RCSD1: variants seen among roughly 807,000 people sequenced by gnomAD.
The protein encoded by RCSD1 is capZ-interacting protein.
RCSD1 carries 26 observed loss-of-function variants against 42.5 expected under a neutral mutation model. The observed-to-expected ratio is 0.61, with a 90% CI of 0.45 to 0.85. The LOEUF (loss-of-function observed/expected upper bound fraction) is 0.85, where lower values mean the gene tolerates loss of function less well. Ranked by LOEUF, RCSD1 falls within the 40% of genes least tolerant of loss-of-function variation. The pLI, the probability that RCSD1 is intolerant of heterozygous loss-of-function variation, is 0.00. For missense variants in RCSD1, 571 were observed against 528.3 expected, an observed-to-expected ratio of 1.08 and a Z score of -0.79; for synonymous variants, 220 against 212.2, an observed-to-expected ratio of 1.04 and a Z score of -0.32.
In RCSD1 at chr1:167,707,201, C is replaced by A. The variant is rs1395294249; in HGVS notation, c.*2505C>A. Reference sequence around the variant, plus strand: ...GGTAAGCTTCAGTGGCCTCAGAACTCCAGGCCCCTCACGGAGATCACCCTG... The same window carrying A: ...GGTAAGCTTCAGTGGCCTCAGAACTACAGGCCCCTCACGGAGATCACCCTG... On this transcript the variant is annotated 3_prime_UTR_variant, in exon 7 of 7. Coordinates refer to ENST00000367854, the MANE Select transcript of RCSD1 (RefSeq NM_052862.4). 5.9e-5 allele frequency among the ~76,000 whole-genome samples: 9 copies of A among 152,220 alleles called. No individual in the cohort carries two copies.
In RCSD1 at chr1:167,676,214, G is replaced by T. The variant is rs529196789; in HGVS notation, c.7-7686G>T. Among the ~76,000 whole-genome samples the T allele has an allele frequency of 3.5e-4, 53 of 152,320 alleles. 1 individual carries two copies. In the South Asian group the frequency reaches 9.7e-3, roughly 28 times the overall value. ...ACTAGTAAATGTAGAGCTGGGATTT[G>T]AACCCAGACAGTCTGGCTCAAAGCC... On this transcript the variant is annotated intron_variant, in intron 1 of 6. Coordinates refer to ENST00000367854, the MANE Select transcript of RCSD1 (RefSeq NM_052862.4).
rs559530307 is a variant in RCSD1 at position 167,685,912 on chromosome 1, T to C, written c.198+402T>C. Among the ~76,000 whole-genome samples, 31 of 152,266 alleles carry C rather than the reference T, an allele frequency of 2.0e-4. No homozygotes were observed. The South Asian group carries it at 6.2e-3, about 31-fold the overall frequency. Reference sequence around the variant, plus strand: ...ACCTGGAAAGGGGGCTACACTTACATAGGGCAGGACGGAAGCATGAGAAAA... The same window carrying C: ...ACCTGGAAAGGGGGCTACACTTACACAGGGCAGGACGGAAGCATGAGAAAA... On this transcript the variant is annotated intron_variant, in intron 3 of 6. Coordinates refer to ENST00000367854, the MANE Select transcript of RCSD1 (RefSeq NM_052862.4).
intron 1 of RCSD1, among the ~76,000 whole-genome samples, chr1:167,662,856 T>A (rs2102215404): frequency 6.6e-6 from 1 of 152,338 alleles, no homozygotes; most frequent in Admixed American, 6.5e-5. Flanking sequence ...CGATTCTGCC[T>A]GAACTTATTT....
rs961492308 is a variant in RCSD1, at chr1:167,644,523, A to ACATG, written c.6+14097_6+14098insGCAT. Among the ~76,000 whole-genome samples, 277 of 151,896 alleles carry ACATG rather than the reference A, an allele frequency of 1.8e-3. 1 individual carries two copies. The highest frequency in any genetic ancestry group is 6.3e-3 in the African/African-American group (260 of 41,440). ...TACATACATACATACATACATACAT[A>ACATG]CATACATACATACATTTCAAAGAAA... On this transcript the variant is annotated intron_variant, in intron 1 of 6. Transcript: ENST00000367854.
At chr1:167,668,839 G>T (rs1658725115) in intron 1 of RCSD1, among the ~76,000 whole-genome samples, 1 of 152,124 alleles carries the variant, frequency 6.6e-6, no homozygotes, top group African/African-American at 2.4e-5. Flanking sequence ...AAGTGCCCAG[G>T]GTGAAACTGT....
At chr1:167,691,802 G>A (rs773352574) in intron 4 of RCSD1, among the ~76,000 whole-genome samples, 3 of 152,178 alleles carry the variant, frequency 2.0e-5, no homozygotes, top group East Asian at 1.9e-4. Context: ...AAACTGAGAA[G>A]CCCTGATTCC....
At chr1:167,695,538 A>ATTTT (rs34867466) in intron 5 of RCSD1, among the ~76,000 whole-genome samples, 4 of 141,044 alleles carry the variant, frequency 2.8e-5, no homozygotes, top group Admixed American at 7.0e-5. Context: ...TTACACACTA[A>ATTTT]TTTTTTTTTT....
chr1:167,677,772 C>T (rs549062049), intron 1 of RCSD1, among the ~76,000 whole-genome samples: 3 of 152,220 alleles, frequency 2.0e-5, no homozygotes, highest in South Asian at 4.1e-4. Context: ...TCCTTTGTCC[C>T]GCACCTGTGA....
At position 167,630,680 on chromosome 1, in the gene RCSD1, T is replaced by C. The variant is rs78120440; in HGVS notation, c.6+251T>C. 499 of 208,256 alleles carry C rather than the reference T, an allele frequency of 2.4e-3. 2 individuals carry two copies. The highest frequency in any genetic ancestry group is 0.013 in the African/African-American group (472 of 37,644). 12.9% of individuals were successfully genotyped at this position (208,256 alleles called of 1,614,324 possible). A position where few individuals can be genotyped will look rare whatever the true frequency, so the allele number is the denominator to read the frequency against. ...AGATCTCAGAGGGAGAGAAAAGGGC[T>C]TTCCTAGAGGCCCGGGTATTTTGGC... On this transcript the variant is annotated intron_variant, in intron 1 of 6. Transcript: ENST00000367854.
At chr1:167,691,909 C>G (rs774968768) in intron 4 of RCSD1, among the ~76,000 whole-genome samples, 1 of 152,188 alleles carries the variant, frequency 6.6e-6, no homozygotes, top group African/African-American at 2.4e-5. Context: ...GATCCCAGAA[C>G]TCCAGCACCC....
At chr1:167,677,674 T>C (rs936689843) in intron 1 of RCSD1, among the ~76,000 whole-genome samples, 1 of 152,236 alleles carries the variant, frequency 6.6e-6, no homozygotes, top group Non-Finnish European at 1.5e-5. Context: ...ATTGCCTCCA[T>C]AGCTCAGTGA....
At chr1:167,633,789 A>C (rs895444561) in intron 1 of RCSD1, 2 of 152,236 alleles carry the variant, frequency 1.3e-5, no homozygotes, top group African/African-American at 4.8e-5. Flanking sequence ...CACTTCATGG[A>C]GTGAGCAAGG....
intron 1 of RCSD1, among the ~76,000 whole-genome samples, chr1:167,657,778 A>C (rs570467546): frequency 6.6e-6 from 1 of 152,122 alleles, no homozygotes; most frequent in East Asian, 1.9e-4. Flanking sequence ...TTCAGCATTA[A>C]AATTTTTTTT....
intron 1 of RCSD1, among the ~76,000 whole-genome samples, chr1:167,649,538 G>A (rs75681843): frequency 0.02 from 3,000 of 152,302 alleles, 82 homozygotes; most frequent in African/African-American, 0.069. Context: ...GTGATGGGGG[G>A]GCAGAAAGTT....
chr1:167,651,838 G>A (rs955817345), intron 1 of RCSD1, among the ~76,000 whole-genome samples: 5 of 152,014 alleles, frequency 3.3e-5, no homozygotes, highest in South Asian at 2.1e-4. Flanking sequence ...CCTTCTCCCC[G>A]CTGTTCTTGA....
intron 1 of RCSD1, among the ~76,000 whole-genome samples, chr1:167,651,583 C>T (rs1304692294): frequency 1.3e-5 from 2 of 152,220 alleles, no homozygotes; most frequent in Non-Finnish European, 2.9e-5. Context: ...ATGCTGTGGA[C>T]TGTGACCAGG....
intron 3 of RCSD1, among the ~76,000 whole-genome samples, chr1:167,688,795 AG>A (rs1271775340): frequency 6.6e-6 from 1 of 152,200 alleles, no homozygotes; most frequent in Non-Finnish European, 1.5e-5. Context: ...CAGGAAAATT[AG>A]TACATGGGGT....
chr1:167,656,369 A>T (rs1396634198), intron 1 of RCSD1, among the ~76,000 whole-genome samples: 1 of 152,248 alleles, frequency 6.6e-6, no homozygotes, highest in Non-Finnish European at 1.5e-5. Context: ...AAATTAATAT[A>T]TTAAACCAAG....
Position 167,681,212 on chromosome 1 carries a change from C to T in RCSD1, c.7-2688C>T, listed in dbSNP as rs541884111. Among the ~76,000 whole-genome samples, 3 of 152,332 alleles carry T rather than the reference C, an allele frequency of 2.0e-5. No individual in the cohort carries two copies. The South Asian group carries it at 6.2e-4, about 32-fold the overall frequency. ...ACAAATGATGCTACTTAACTGATGT[C>T]CATTACTGGAGTCTCAGGAGTTGGA... On this transcript the variant is annotated intron_variant, in intron 1 of 6. Transcript: ENST00000367854.
Sources: allele counts gnomAD v4.1 joint callset (sites outside exome capture counted in the v4.1 genomes callset), GRCh38; gene constraint gnomAD v4.1.1; transcripts MANE v1.5; gene names NCBI Gene and HGNC (gene_info 2026-07-23, HGNC 2026-07-21).